The following TIMM21 variants were observed in gnomAD, a reference collection of about 807,000 sequenced individuals.
The protein encoded by TIMM21 is mitochondrial import inner membrane translocase subunit Tim21.
TIMM21 carries 30 observed loss-of-function variants against 27.7 expected under a neutral mutation model. The observed-to-expected ratio is 1.08, with a 90% CI of 0.81 to 1.47. The LOEUF (loss-of-function observed/expected upper bound fraction) is 1.47, where lower values mean the gene tolerates loss of function less well. Ranked by LOEUF, TIMM21 falls within the 40% of genes most tolerant of loss-of-function variation. The pLI is 0.00. For missense variants in TIMM21, 292 were observed against 302.9 expected (o/e 0.96, Z 0.27); for synonymous variants, 121 against 114.4 (o/e 1.06, Z -0.37).
rs938634615 is a variant in TIMM21, at chr18:74,148,637, C to A, written c.-172C>A. On this transcript the variant is annotated 5_prime_UTR_variant, in exon 1 of 6. Coordinates refer to ENST00000169551, the MANE Select transcript of TIMM21 (RefSeq NM_014177.3). Reference sequence around the variant, plus strand: ...AAGGGAAGGTAGACATCAGGTTCTCCCTGGAGACTTTTCGTTTTCATTTAC... The same window carrying A: ...AAGGGAAGGTAGACATCAGGTTCTCACTGGAGACTTTTCGTTTTCATTTAC... 2 of 612,618 alleles carry A rather than the reference C, an allele frequency of 3.3e-6. No homozygotes were observed. Among genetic ancestry groups the A allele is most frequent in the Admixed American group, 2.7e-5 (1 of 36,866 alleles). The allele number at this position is 612,618 out of a possible 1,614,324, so 37.9% of individuals were successfully genotyped here.
chr18:74,150,070 T>G (rs56309147), intron 1 of TIMM21, among the ~76,000 whole-genome samples: 1 of 152,014 alleles, frequency 6.6e-6, no homozygotes, highest in Admixed American at 6.5e-5. Flanking sequence ...AGGGCATGTC[T>G]TGGCACGCCC....
At chr18:74,157,585 TTTTATTTGTTTG>T (rs1979983782) in intron 3 of TIMM21, 1 of 156,062 alleles carries the variant, frequency 6.4e-6, no homozygotes, top group Non-Finnish European at 1.4e-5. Flanking sequence ...GTGGTCATTT[TTTTATTTGTTTG>T]TTTGTTTGTT....
intron 1 of TIMM21, among the ~76,000 whole-genome samples, chr18:74,151,941 C>CCCA (rs1555682302): frequency 6.9e-6 from 1 of 144,642 alleles, no homozygotes; most frequent in Admixed American, 6.7e-5. Context: ...CTATGTTCCC[C>CCCA]CCCCCCCCGG....
intron 1 of TIMM21, among the ~76,000 whole-genome samples, chr18:74,154,303 C>T (rs1599209342): frequency 6.7e-6 from 1 of 150,336 alleles, no homozygotes; most frequent in Admixed American, 6.6e-5. Context: ...GCTCTTTCGC[C>T]CAGGCCGTAG....
In TIMM21 at chr18:74,155,344, T is replaced by C. The variant is rs751319359; in HGVS notation, c.403T>C (p.Ser135Pro). Reference protein sequence around the residue: ...FYTIFKELFSSSSPSKIYGRA... With the variant: ...FYTIFKELFSPSSPSKIYGRA... Reference sequence around the variant, plus strand: ...CACGATTTTCAAAGAACTTTTTTCTTCATCCAGTCCTAGCAAGATATATGG... The same window carrying C: ...CACGATTTTCAAAGAACTTTTTTCTCCATCCAGTCCTAGCAAGATATATGG... Residue 135 changes from serine (S) to proline (P), a missense_variant, in exon 3 of 6, where the codon TCA (serine) becomes CCA (proline). Coordinates refer to ENST00000169551, the MANE Select transcript of TIMM21 (RefSeq NM_014177.3). 1.1e-5 allele frequency: 17 copies of C among 1,613,676 alleles called. No individual in the cohort carries two copies. Among genetic ancestry groups the C allele is most frequent in the Non-Finnish European group, 1.2e-5 (14 of 1,179,898 alleles).
In TIMM21 at chr18:74,155,374, G is replaced by C. The variant is rs1979923702; in HGVS notation, c.433G>C (p.Ala145Pro). Residue 145 changes from alanine to proline, a missense_variant, in exon 3 of 6, where the codon GCC becomes CCC. By Grantham distance (27) the Ala-to-Pro change is conservative (BLOSUM62 -1). Transcript: ENST00000169551. ...SSSPSKIYGRALEKCRSHPEV... is the reference protein window; with the variant it reads ...SSSPSKIYGRPLEKCRSHPEV... ...CAGTCCTAGCAAGATATATGGGAGA[G>C]CCTTAGAAAAATGCAGATCACATCC... is the stretch of plus-strand genomic sequence containing the variant. 6.2e-7 allele frequency: 1 copy of C among 1,612,550 alleles called. No individual in the cohort carries two copies. The highest frequency in any genetic ancestry group is 1.3e-5 in the African/African-American group (1 of 74,808).
chr18:74,151,034 A>G (rs954177301), intron 1 of TIMM21, among the ~76,000 whole-genome samples: 1 of 152,152 alleles, frequency 6.6e-6, no homozygotes, highest in African/African-American at 2.4e-5. Context: ...AATCACAGAA[A>G]TTATTGCCAG....
rs1979849236 is a variant in TIMM21 at position 74,152,858 on chromosome 18, C to T, written c.302-2287C>T. The stretch of plus-strand genomic sequence containing the variant: ...CGAAGTGCATTTGCAGTTGGGGCCT[C>T]AGCTGCTGCTCTGGGGACTTCTGGA... On this transcript the variant is annotated intron_variant, in intron 1 of 5. Coordinates refer to ENST00000169551, the MANE Select transcript of TIMM21 (RefSeq NM_014177.3). The surrounding 1 kb of genome is among the most constrained non-coding windows in gnomAD (Gnocchi z 4.1). Among the ~76,000 whole-genome samples the T allele has an allele frequency of 6.6e-6, 1 of 152,196 alleles. No homozygotes were observed. The highest frequency in any genetic ancestry group is 1.5e-5 in the Non-Finnish European group (1 of 68,026).
intron 3 of TIMM21, 174 bp from the exon 4 acceptor site, chr18:74,157,840 C>T: frequency 1.6e-6 from 1 of 641,678 alleles, no homozygotes. Context: ...TGTGATCCAC[C>T]CATCTTGGCC....
In TIMM21 at chr18:74,152,893, G is replaced by T. The variant is rs1425352554; in HGVS notation, c.302-2252G>T. Among the ~76,000 whole-genome samples the T allele has an allele frequency of 6.6e-6, 1 of 152,196 alleles. No individual in the cohort carries two copies. The highest frequency in any genetic ancestry group is 1.5e-5 in the Non-Finnish European group (1 of 68,038). ...TCTGGGGACTTCTGGAGCTGAGCTG[G>T]CCAGTCACTGTCCTACCTAATATGG... On this transcript the variant is annotated intron_variant, in intron 1 of 5. Coordinates refer to ENST00000169551, the MANE Select transcript of TIMM21 (RefSeq NM_014177.3). This position sits in a 1 kb window ranked among gnomAD's most constrained non-coding sequence, Gnocchi z 4.1.
intron 1 of TIMM21, among the ~76,000 whole-genome samples, chr18:74,154,469 G>A (rs893188037): frequency 2.6e-5 from 4 of 152,010 alleles, no homozygotes; most frequent in Non-Finnish European, 5.9e-5. Flanking sequence ...CACCGTGTTA[G>A]CCAGGATGGT....
intron 1 of TIMM21, among the ~76,000 whole-genome samples, chr18:74,150,053 A>C (rs1437353485): frequency 6.6e-6 from 1 of 152,136 alleles, no homozygotes; most frequent in African/African-American, 2.4e-5. Flanking sequence ...ATTGTCTTTT[A>C]CTTGGGAGGG....
Position 74,158,863 on chromosome 18 carries a change from C to CGACCACCG in TIMM21, c.*383_*384insGACCACCG. ...TTAAAACTAACAAATATGTCATTAG[C>CGACCACCG]AGCTGCCCTCCGCATACTTTGGAAT... On this transcript the variant is annotated 3_prime_UTR_variant, in exon 6 of 6. Coordinates refer to ENST00000169551, the MANE Select transcript of TIMM21 (RefSeq NM_014177.3). The CGACCACCG allele has an allele frequency of 2.1e-5, 4 of 187,332 alleles. No individual in the cohort carries two copies. The highest frequency in any genetic ancestry group is 1.0e-4 in the South Asian group (1 of 9,638). 11.6% of individuals were successfully genotyped at this position (187,332 alleles called of 1,614,324 possible). A position where few individuals can be genotyped will look rare whatever the true frequency, so the allele number is the denominator to read the frequency against.
At chr18:74,157,920 T>C in intron 3 of TIMM21, 94 bp from the exon 4 acceptor site, 1 of 1,354,652 alleles carries the variant, frequency 7.4e-7, no homozygotes, top group Non-Finnish European at 1.0e-6. Context: ...AGCTTACTGA[T>C]TTTTTTTTCC....
chr18:74,157,547 TAAC>T (rs1979982253), intron 3 of TIMM21: 1 of 155,024 alleles, frequency 6.5e-6, no homozygotes, highest in African/African-American at 2.4e-5. Context: ...TTTTGTATAA[TAAC>T]CCTTTTTTCA....
intron 5 of TIMM21, 48 bp downstream of exon 5, chr18:74,158,324 A>AT (rs2121926028): frequency 6.2e-7 from 1 of 1,610,098 alleles, no homozygotes; most frequent in East Asian, 2.2e-5. Context: ...GCGCGGTGTT[A>AT]TTTAAGTTCT....
chr18:74,158,304 G>A (rs1335351761), intron 5 of TIMM21, 28 bp downstream of exon 5: 3 of 1,613,236 alleles, frequency 1.9e-6, no homozygotes, highest in Non-Finnish European at 1.7e-6. Flanking sequence ...TGTGGGGTCA[G>A]AGGTTCTGAG....
intron 3 of TIMM21, 42 bp downstream of exon 3, chr18:74,155,445 G>A (rs764240675): frequency 1.1e-5 from 17 of 1,521,278 alleles, no homozygotes; most frequent in Non-Finnish European, 1.4e-5. Flanking sequence ...TGATGAGGGG[G>A]AGAAAATGTC....
At chr18:74,154,347 C>T (rs1979891204) in intron 1 of TIMM21, among the ~76,000 whole-genome samples, 1 of 151,620 alleles carries the variant, frequency 6.6e-6, no homozygotes, top group Non-Finnish European at 1.5e-5. Flanking sequence ...CTGCAAGCTC[C>T]GCCTCCCGGG....
Sources: allele counts gnomAD v4.1 joint callset (sites outside exome capture counted in the v4.1 genomes callset), GRCh38; gene constraint gnomAD v4.1.1; non-coding constraint Gnocchi (gnomAD v3.1); transcripts MANE v1.5; gene names NCBI Gene and HGNC (gene_info 2026-07-23, HGNC 2026-07-21).